GALNT12: variants seen among roughly 807,000 people sequenced by gnomAD.
GALNT12 encodes the protein polypeptide N-acetylgalactosaminyltransferase 12.
In GALNT12, 45 loss-of-function variants were observed where a neutral mutation model predicts 55.5. The ratio of observed to expected loss-of-function variants is 0.81; its 90% CI spans 0.64 to 1.04. The LOEUF (loss-of-function observed/expected upper bound fraction) is 1.04, where lower values mean the gene tolerates loss of function less well. Ranked by LOEUF, GALNT12 falls within the 50% of genes least tolerant of loss-of-function variation. GALNT12 has a pLI of 0.00. For synonymous variants in GALNT12, 304 were observed against 312.2 expected (o/e 0.97, Z 0.28); for missense variants, 709 against 754.8 (o/e 0.94, Z 0.71).
intron 9 of GALNT12, 68 bp from the exon 10 acceptor site, chr9:98,848,882 CTT>C: frequency 1.3e-6 from 2 of 1,586,062 alleles, no homozygotes; most frequent in Admixed American, 1.7e-5. Flanking sequence ...ACCCTGATCT[CTT>C]TAAAACATGT....
At chr9:98,826,545 TTCC>T (rs1835859615) in intron 2 of GALNT12, among the ~76,000 whole-genome samples, 1 of 152,130 alleles carries the variant, frequency 6.6e-6, no homozygotes, top group Non-Finnish European at 1.5e-5. Context: ...GGTTCTGGAA[TTCC>T]TCCCCCAGCC....
chr9:98,822,763 G>A (rs1442987448), intron 1 of GALNT12, among the ~76,000 whole-genome samples: 2 of 152,118 alleles, frequency 1.3e-5, no homozygotes, highest in Non-Finnish European at 2.9e-5. Context: ...TGGGCCGGGT[G>A]CTGGAGGAGC....
At chr9:98,837,894 T>C (rs995775087) in intron 6 of GALNT12, among the ~76,000 whole-genome samples, 3 of 152,186 alleles carry the variant, frequency 2.0e-5, no homozygotes, top group African/African-American at 7.2e-5. Context: ...AGGTTACAAA[T>C]CAATTTTATT....
intron 2 of GALNT12, 67 bp from the exon 3 acceptor site, chr9:98,826,685 C>T (rs1311666161): frequency 2.0e-6 from 3 of 1,507,244 alleles, no homozygotes; most frequent in African/African-American, 2.8e-5. Flanking sequence ...CAGAAGGCCC[C>T]GGGTTGGGAT....
At chr9:98,810,177 G>A (rs1184066052) in intron 1 of GALNT12, among the ~76,000 whole-genome samples, 2 of 152,162 alleles carry the variant, frequency 1.3e-5, no homozygotes, top group African/African-American at 4.8e-5. Flanking sequence ...TGAGAAACCT[G>A]AATGGCAGAT....
Position 98,808,039 on chromosome 9 carries a change from ACCG to A in GALNT12, c.347_349del (p.Arg116del), listed in dbSNP as rs866699148. ...TACCTCAGCGACCGCATCTCACTGC[ACCG>A]CCGCCTGCCCGAGCGCTGGAACCCG... On this transcript the variant is annotated inframe_deletion, in exon 1 of 10. Transcript: ENST00000375011. The A allele has an allele frequency of 1.9e-6, 3 of 1,579,992 alleles. No homozygotes were observed. The Admixed American group carries it at 5.4e-5, about 28-fold the overall frequency.
Position 98,835,234 on chromosome 9 carries a change from A to G in GALNT12, c.918-15A>G. On this transcript the variant is annotated splice_polypyrimidine_tract_variant and intron_variant, in intron 4 of 9. Coordinates refer to ENST00000375011, the MANE Select transcript of GALNT12 (RefSeq NM_024642.5). ...CTGCTGTCTACAGTGAAATAAGGAT[A>G]TCATACTTTTTTAGGTCTCCAACAA... 3 of 1,547,072 alleles carry G rather than the reference A, an allele frequency of 1.9e-6. No homozygotes were observed. The highest frequency in any genetic ancestry group is 2.7e-6 in the Non-Finnish European group (3 of 1,118,690).
chr9:98,836,931 C>T (rs1464378381), intron 5 of GALNT12, 41 bp from the exon 6 acceptor site: 6 of 1,563,874 alleles, frequency 3.8e-6, no homozygotes, highest in Non-Finnish European at 5.2e-6. Flanking sequence ...CGCAGCTCAT[C>T]CCCTGCTCAC....
Position 98,823,337 on chromosome 9 carries a change from T to C in GALNT12, c.453T>C (p.Thr151=), listed in dbSNP as rs1793587601. The part of the protein sequence containing the change: ...IIAFYNEAWS[T]LLRTVYSVLE... ...CATTTTATAATGAAGCCTGGTCAAC[T>C]CTCCTTCGGACAGTTTACAGTGTCC... Residue 151 remains threonine, a synonymous_variant, in exon 2 of 10, where the codon ACT becomes ACC. Coordinates refer to ENST00000375011, the MANE Select transcript of GALNT12 (RefSeq NM_024642.5). The C allele has an allele frequency of 1.2e-6, 2 of 1,613,966 alleles. No individual in the cohort carries two copies. Among genetic ancestry groups the C allele is most frequent in the East Asian group, 2.2e-5 (1 of 44,870 alleles).
rs937403910 is a variant in GALNT12 at position 98,826,974 on chromosome 9, A to G, written c.731+33A>G. 6 of 1,549,542 alleles carry G rather than the reference A, an allele frequency of 3.9e-6. No individual in the cohort carries two copies. In the African/African-American group the frequency reaches 5.5e-5, roughly 14 times the overall value. On this transcript the variant is annotated intron_variant, in intron 3 of 9. Transcript: ENST00000375011. ...AGCCGCCCACCATGGGAGAGACAGCATGTTACCTGGAGTAGGTAGCATGAG... is the reference window on the plus strand; with the variant it reads ...AGCCGCCCACCATGGGAGAGACAGCGTGTTACCTGGAGTAGGTAGCATGAG...
intron 1 of GALNT12, among the ~76,000 whole-genome samples, chr9:98,812,583 C>T (rs1259887176): frequency 6.6e-6 from 1 of 152,194 alleles, no homozygotes; most frequent in Admixed American, 6.5e-5. Flanking sequence ...CAGAACAAGA[C>T]TCCATTTAAA....
At chr9:98,848,128 T>C (rs1377222270) in intron 9 of GALNT12, among the ~76,000 whole-genome samples, 1 of 152,202 alleles carries the variant, frequency 6.6e-6, no homozygotes, top group Non-Finnish European at 1.5e-5. Context: ...TATTTTCTTA[T>C]GTAGGCCTAA....
Position 98,836,980 on chromosome 9 carries a change from G to A in GALNT12, c.1044G>A (p.Gln348=), listed in dbSNP as rs768255143. 17 of 1,614,020 alleles carry A rather than the reference G, an allele frequency of 1.1e-5. No homozygotes were observed. Among genetic ancestry groups the A allele is most frequent in the East Asian group, 4.5e-5 (2 of 44,898 alleles). Residue 348 remains glutamine (Q), a synonymous_variant, in exon 6 of 10, where the codon CAG becomes CAA. Coordinates refer to ENST00000375011, the MANE Select transcript of GALNT12 (RefSeq NM_024642.5). ...CTTTTCTCTGTGTGCAGATCTGGCAGTGTGGTGGGGTTCTGGAAACACACC... is the reference window on the plus strand; with the variant it reads ...CTTTTCTCTGTGTGCAGATCTGGCAATGTGGTGGGGTTCTGGAAACACACC... The part of the protein sequence containing the change: ...ENLEFSFRIW[Q]CGGVLETHPC...
chr9:98,815,954 G>T (rs938019800), intron 1 of GALNT12, among the ~76,000 whole-genome samples: 2 of 152,100 alleles, frequency 1.3e-5, no homozygotes, highest in Admixed American at 6.5e-5. Flanking sequence ...TCTAAAAAAT[G>T]TTATTTTGTT....
intron 1 of GALNT12, among the ~76,000 whole-genome samples, chr9:98,820,122 T>C (rs2118333195): frequency 6.6e-6 from 1 of 152,288 alleles, no homozygotes; most frequent in South Asian, 2.1e-4. Flanking sequence ...TATAGGTACA[T>C]GTGCAGGATA....
intron 9 of GALNT12, among the ~76,000 whole-genome samples, chr9:98,848,313 A>G (rs77079288): frequency 0.018 from 2,790 of 152,190 alleles, 85 homozygotes; most frequent in African/African-American, 0.064. Flanking sequence ...AGCTTATAAC[A>G]GAGAGGCAGA....
rs202039153 is a variant in GALNT12, at chr9:98,831,898, G to A, written c.858G>A (p.Thr286=). The A allele has an allele frequency of 1.9e-4, 303 of 1,614,034 alleles. No homozygotes were observed. The highest frequency in any genetic ancestry group is 2.2e-4 in the Non-Finnish European group (262 of 1,180,042). ...GTTTCGACTGGAGGCTGGTGTTCAC[G>A]TGGCACACAGTTCCTGAGAGGGAGA... The part of the protein sequence containing the change: ...IGGFDWRLVF[T]WHTVPERERI... Residue 286 remains threonine (T), a synonymous_variant, in exon 4 of 10, where the codon ACG becomes ACA. Transcript: ENST00000375011.
At chr9:98,815,031 G>A (rs1393932347) in intron 1 of GALNT12, among the ~76,000 whole-genome samples, 1 of 152,204 alleles carries the variant, frequency 6.6e-6, no homozygotes, top group East Asian at 1.9e-4. Context: ...CCAGTTCTGA[G>A]CTTCCTTTTG....
At chr9:98,813,295 T>TG in intron 1 of GALNT12, among the ~76,000 whole-genome samples, 1 of 152,400 alleles carries the variant, frequency 6.6e-6, no homozygotes, top group Non-Finnish European at 1.5e-5. Context: ...ACCATTGCTA[T>TG]GAGATGCCTA....
Sources: gnomAD v4.1 joint callset for allele counts (sites outside exome capture counted in the v4.1 genomes callset) on GRCh38, gnomAD v4.1.1 for gene constraint, MANE v1.5 for transcripts, NCBI Gene and HGNC (gene_info 2026-07-23, HGNC 2026-07-21) for gene names.